The following ABCB10 variants were observed in gnomAD, a reference collection of about 807,000 sequenced individuals.
ABCB10 encodes ATP-binding cassette sub-family B member 10, mitochondrial.
In ABCB10, 54 loss-of-function variants were observed where a neutral mutation model predicts 65.4. The observed-to-expected ratio is 0.83, with a 90% CI of 0.66 to 1.04. The LOEUF (loss-of-function observed/expected upper bound fraction) is 1.04. ABCB10 is among the 50% of genes least tolerant of loss of function. The pLI, the probability that ABCB10 is intolerant of heterozygous loss-of-function variation, is 0.00. For synonymous variants in ABCB10, 418 were observed against 406.5 expected, an observed-to-expected ratio of 1.03 and a Z score of -0.34; for missense variants, 846 against 976.6, an observed-to-expected ratio of 0.87 and a Z score of 1.78.
At position 229,517,074 on chromosome 1, in the gene ABCB10, A is replaced by G. The variant is rs1202539226; in HGVS notation, c.*1105T>C. ...AACAGCAAATTAACAGCACTGATAC[A>G]AAATATGGCAAATTCAATGGTTGTA... On this transcript the variant is annotated 3_prime_UTR_variant, in exon 13 of 13. Transcript: ENST00000344517. The G allele has an allele frequency of 6.6e-6, 1 of 152,214 alleles. No homozygotes were observed. Among genetic ancestry groups the G allele is most frequent in the East Asian group, 1.9e-4 (1 of 5,204 alleles). 9.4% of individuals were successfully genotyped at this position (152,214 alleles called of 1,614,324 possible).
chr1:229,549,057 A>C (rs774093515), intron 2 of ABCB10, among the ~76,000 whole-genome samples, 177 bp downstream of exon 2: 1 of 152,178 alleles, frequency 6.6e-6, no homozygotes, highest in Non-Finnish European at 1.5e-5. Context: ...CTTGATCTAA[A>C]ATAATCTGTA....
At chr1:229,534,648 C>T (rs951174000) in intron 6 of ABCB10, among the ~76,000 whole-genome samples, 5 of 151,606 alleles carry the variant, frequency 3.3e-5, no homozygotes, top group Non-Finnish European at 5.9e-5. Context: ...GCAGGTGGAT[C>T]ACCTGAGGTC....
At chr1:229,530,499 G>A (rs1355764583) in intron 7 of ABCB10, 91 bp from the exon 8 acceptor site, 4 of 1,326,904 alleles carry the variant, frequency 3.0e-6, no homozygotes, top group Non-Finnish European at 4.3e-6. Context: ...GCTATGGATG[G>A]GTGACTCCAC....
intron 1 of ABCB10, 25 bp from the exon 2 acceptor site, chr1:229,549,459 G>A (rs1457827826): frequency 6.2e-7 from 1 of 1,601,724 alleles, no homozygotes; most frequent in Non-Finnish European, 8.5e-7. Context: ...CACTCTCAAT[G>A]TTCAGGTTGC....
intron 6 of ABCB10, among the ~76,000 whole-genome samples, chr1:229,536,160 G>T (rs961479312): frequency 3.3e-5 from 5 of 151,934 alleles, no homozygotes; most frequent in Non-Finnish European, 7.4e-5. Flanking sequence ...CTTTGAAAAT[G>T]GTATTAATTT....
intron 1 of ABCB10, among the ~76,000 whole-genome samples, chr1:229,550,734 C>T (rs1422800477): frequency 3.3e-5 from 5 of 149,792 alleles, no homozygotes; most frequent in African/African-American, 9.8e-5. Flanking sequence ...TGTGTTGGTG[C>T]GCACCTGTAG....
intron 7 of ABCB10, 79 bp downstream of exon 7, chr1:229,531,557 T>C (rs1210834126): frequency 7.1e-7 from 1 of 1,413,220 alleles, no homozygotes; most frequent in Non-Finnish European, 9.9e-7. Context: ...CTCACTCCCT[T>C]GCAGACAGGG....
chr1:229,539,087 T>C (rs528531286), intron 6 of ABCB10, among the ~76,000 whole-genome samples: 3 of 152,216 alleles, frequency 2.0e-5, no homozygotes, highest in Non-Finnish European at 2.9e-5. Context: ...CACGAAACCA[T>C]GACTAACACA....
At chr1:229,553,079 G>A (rs1028825402) in intron 1 of ABCB10, among the ~76,000 whole-genome samples, 10 of 152,080 alleles carry the variant, frequency 6.6e-5, no homozygotes, top group Admixed American at 1.3e-4. Context: ...TGGCAAGGTC[G>A]GCCTAAAAGG....
chr1:229,526,672 G>A lies in ABCB10; in HGVS notation c.1726-556C>T, dbSNP rs138034576. Among the ~76,000 whole-genome samples the A allele has an allele frequency of 1.2e-4, 19 of 152,356 alleles. No homozygotes were observed. In the East Asian group the frequency reaches 3.1e-3, roughly 25 times the overall value. On this transcript the variant is annotated intron_variant, in intron 9 of 12. Coordinates refer to ENST00000344517, the MANE Select transcript of ABCB10 (RefSeq NM_012089.3). ...CAGAAATGGGGGGAGGCTCAGGTTT[G>A]TATGCTGTGTGCACAGCCTGGTAAT...
At chr1:229,555,141 C>T (rs1203620618) in intron 1 of ABCB10, among the ~76,000 whole-genome samples, 2 of 152,170 alleles carry the variant, frequency 1.3e-5, no homozygotes, top group South Asian at 4.1e-4. Flanking sequence ...AAGCCCCCCA[C>T]ACAAAAAACC....
intron 11 of ABCB10, among the ~76,000 whole-genome samples, chr1:229,519,701 A>C (rs1339768180): frequency 6.6e-6 from 1 of 152,252 alleles, no homozygotes; most frequent in Non-Finnish European, 1.5e-5. Flanking sequence ...AGGCAGGAGA[A>C]TCGCTTGAAC....
intron 10 of ABCB10, among the ~76,000 whole-genome samples, chr1:229,525,601 G>A (rs1662421367): frequency 2.0e-5 from 3 of 152,174 alleles, no homozygotes; most frequent in Non-Finnish European, 4.4e-5. Flanking sequence ...AGCACTTTGC[G>A]AGGCCAAGGT....
chr1:229,558,253 G>T lies in ABCB10; in HGVS notation c.400C>A (p.Arg134=), dbSNP rs906904375. 2.3e-5 allele frequency: 30 copies of T among 1,323,344 alleles called. No homozygotes were observed. The highest frequency in any genetic ancestry group is 2.9e-5 in the Non-Finnish European group (30 of 1,040,172). The allele number at this position is 1,323,344 out of a possible 1,614,324, so 82.0% of individuals were successfully genotyped here. The change falls in exon 1 of 13, where the codon CGG becomes AGG. Residue 134 remains arginine (R), a synonymous_variant. Transcript: ENST00000344517. Reference sequence around the variant, plus strand: ...CCGGGAGGCGCCGCCGGCCCGCGCCGCCAGGCCTCGTCCCCTGCCCAGGCA... The same window carrying T: ...CCGGGAGGCGCCGCCGGCCCGCGCCTCCAGGCCTCGTCCCCTGCCCAGGCA... The part of the protein sequence containing the change: ...AAAWAGDEAW[R]RGPAAPPGDK...
intron 6 of ABCB10, among the ~76,000 whole-genome samples, chr1:229,533,496 T>C (rs936386870): frequency 1.3e-5 from 2 of 152,200 alleles, no homozygotes; most frequent in African/African-American, 4.8e-5. Context: ...TTGTAACATT[T>C]TCCCTCAGTG....
Position 229,539,377 on chromosome 1 carries a change from G to A in ABCB10, c.1339+79C>T, listed in dbSNP as rs1571969645. 13 of 1,542,026 alleles carry A rather than the reference G, an allele frequency of 8.4e-6. No individual in the cohort carries two copies. In the East Asian group the frequency reaches 2.9e-4, roughly 35 times the overall value. Reference sequence around the variant, plus strand: ...TTCAGTGGAAGTTAATTGAAGTAATGTGAAAGTTCAGTTTCTCTTTCAGAA... The same window carrying A: ...TTCAGTGGAAGTTAATTGAAGTAATATGAAAGTTCAGTTTCTCTTTCAGAA... On this transcript the variant is annotated intron_variant, in intron 6 of 12. Transcript: ENST00000344517.
chr1:229,551,216 C>T (rs770775858), intron 1 of ABCB10, among the ~76,000 whole-genome samples: 31 of 152,112 alleles, frequency 2.0e-4, no homozygotes, highest in Non-Finnish European at 3.5e-4. Context: ...ATTGCTCTTG[C>T]CCCTCCTTAA....
chr1:229,536,017 C>T lies in ABCB10; in HGVS notation c.1339+3439G>A, dbSNP rs190715470. On this transcript the variant is annotated intron_variant, in intron 6 of 12. Transcript: ENST00000344517. ...CTGGGATTACAGGAGTGAGCCACTG[C>T]GCCCAGCTGTAGGTTCATTAATTGC... Among the ~76,000 whole-genome samples the T allele has an allele frequency of 1.3e-4, 20 of 152,134 alleles. No homozygotes were observed. In the East Asian group the frequency reaches 1.7e-3, roughly 13 times the overall value.
chr1:229,546,662 A>G (rs1297579442), intron 3 of ABCB10, among the ~76,000 whole-genome samples: 3 of 151,882 alleles, frequency 2.0e-5, no homozygotes, highest in Non-Finnish European at 2.9e-5. Flanking sequence ...CTTGAGGCCA[A>G]GAGTTTGAGA....
Sources: allele counts gnomAD v4.1 joint callset (sites outside exome capture counted in the v4.1 genomes callset), GRCh38; gene constraint gnomAD v4.1.1; transcripts MANE v1.5; gene names NCBI Gene and HGNC (gene_info 2026-07-23, HGNC 2026-07-21).